ZNF33A: variants seen among roughly 807,000 people sequenced by gnomAD.
ZNF33A encodes brain my041 protein.
Under a neutral mutation model 15.9 loss-of-function variants are expected in ZNF33A, and 9 were observed. That is an observed-to-expected ratio of 0.57 (90% CI 0.34 to 0.99). The LOEUF is 0.99. Ranked by LOEUF, ZNF33A falls within the 50% of genes least tolerant of loss-of-function variation. The pLI is 0.02. For missense variants in ZNF33A, 843 were observed against 941.6 expected, an observed-to-expected ratio of 0.90 and a Z score of 1.37; for synonymous variants, 294 against 324.2, an observed-to-expected ratio of 0.91 and a Z score of 1.00.
intron 4 of ZNF33A, among the ~76,000 whole-genome samples, chr10:38,027,062 C>T (rs1451547561): frequency 6.6e-6 from 1 of 152,198 alleles, no homozygotes; most frequent in East Asian, 1.9e-4. Context: ...CTCTCACTTG[C>T]ATTCCATTTG....
At chr10:38,060,997 G>A (rs1414540590), downstream of ZNF33A, among the ~76,000 whole-genome samples, 1 of 152,130 alleles carries the variant, frequency 6.6e-6, no homozygotes, top group Non-Finnish European at 1.5e-5. Flanking sequence ...ACCTGTACAG[G>A]TAGTGACCAC....
chr10:38,035,477 G>A (rs1291760010), intron 4 of ZNF33A, among the ~76,000 whole-genome samples: 1 of 152,032 alleles, frequency 6.6e-6, no homozygotes, highest in Non-Finnish European at 1.5e-5. Flanking sequence ...TGTCAGAATT[G>A]TTAATTATGC....
At chr10:38,022,657 C>CAAAAAA (rs35295191) in intron 4 of ZNF33A, among the ~76,000 whole-genome samples, 1 of 90,912 alleles carries the variant, frequency 1.1e-5, no homozygotes. Context: ...AACTCTGTCT[C>CAAAAAA]AAAAAAAAAA....
chr10:38,060,869 A>G (rs566354024), downstream of ZNF33A, among the ~76,000 whole-genome samples: 3 of 152,148 alleles, frequency 2.0e-5, no homozygotes, highest in Non-Finnish European at 4.4e-5. Flanking sequence ...TGAGTGTCGC[A>G]TCTCTTCCCA....
chr10:38,058,120 T>A lies in ZNF33A; in HGVS notation c.*1560T>A. 1 of 901,334 alleles carries A rather than the reference T, an allele frequency of 1.1e-6. No individual in the cohort carries two copies. The highest frequency in any genetic ancestry group is 1.3e-6 in the Non-Finnish European group (1 of 753,296). 55.8% of individuals were successfully genotyped at this position (901,334 alleles called of 1,614,324 possible). A position where few individuals can be genotyped will look rare whatever the true frequency, so the allele number is the denominator to read the frequency against. On this transcript the variant is annotated 3_prime_UTR_variant, in exon 5 of 5. Coordinates refer to ENST00000432900, the MANE Select transcript of ZNF33A (RefSeq NM_006954.2). The stretch of plus-strand genomic sequence containing the variant: ...GGAAACTAGAAAAAGAAGAGCAAAT[T>A]AAATCCAAAGTAACCTGAAAAAACA...
At chr10:38,042,633 C>T (rs1487068727) in intron 4 of ZNF33A, among the ~76,000 whole-genome samples, 1 of 151,900 alleles carries the variant, frequency 6.6e-6, no homozygotes, top group East Asian at 1.9e-4. Flanking sequence ...TCATTGCAGC[C>T]TCAACTTCCT....
chr10:38,017,476 T>G lies in ZNF33A; in HGVS notation c.250+90T>G. On this transcript the variant is annotated intron_variant, in intron 4 of 4. Transcript: ENST00000432900. Reference sequence around the variant, plus strand: ...GGGTTTGGCAACTTTGGAAGATTTTTCAAGAACATCTCCATAGGGATCCTA... The same window carrying G: ...GGGTTTGGCAACTTTGGAAGATTTTGCAAGAACATCTCCATAGGGATCCTA... The G allele has an allele frequency of 2.1e-6, 2 of 950,532 alleles. 1 individual carries two copies. Among genetic ancestry groups the G allele is most frequent in the Non-Finnish European group, 3.3e-6 (2 of 607,698 alleles). 58.9% of individuals were successfully genotyped at this position (950,532 alleles called of 1,614,324 possible).
Position 38,058,277 on chromosome 10 carries a change from C to T in ZNF33A, c.*1717C>T, listed in dbSNP as rs1468137536. The T allele has an allele frequency of 1.9e-5, 3 of 157,038 alleles. No homozygotes were observed. Among genetic ancestry groups the T allele is most frequent in the African/African-American group, 7.2e-5 (3 of 41,422 alleles). The allele number at this position is 157,038 out of a possible 1,614,324, so 9.7% of individuals were successfully genotyped here. A position where few individuals can be genotyped will look rare whatever the true frequency, so the allele number is the denominator to read the frequency against. On this transcript the variant is annotated 3_prime_UTR_variant, in exon 5 of 5. Coordinates refer to ENST00000432900, the MANE Select transcript of ZNF33A (RefSeq NM_006954.2). ...AACAGAAGACAAATATTGCTAATAC[C>T]AAAAATGAAAGAGGCCATCACAGCT...
At position 38,054,604 on chromosome 10, in the gene ZNF33A, A is replaced by G; in HGVS notation, c.480A>G (p.Ile160Met). ...TTTCAGAATTGGTTATCAGTAAGAT[A>G]AACTATTTAGGAAAAAAGTCTGATG... The part of the protein sequence containing the change: ...NTVSELVISK[I>M]NYLGKKSDEF... Residue 160 changes from isoleucine (I) to methionine (M), a missense_variant, in exon 5 of 5, where the codon ATA becomes ATG. By Grantham distance (10) the Ile-to-Met change is conservative. Transcript: ENST00000432900. The G allele has an allele frequency of 6.2e-7, 1 of 1,612,186 alleles. No homozygotes were observed. Among genetic ancestry groups the G allele is most frequent in the Non-Finnish European group, 8.5e-7 (1 of 1,179,436 alleles).
In ZNF33A at chr10:38,052,061, T is replaced by C. The variant is rs1209192825; in HGVS notation, c.251-2314T>C. ...ACAACGGAATGATTTCTTTCCAATA[T>C]CAGGAACATGACAAGGATGTCCACC... On this transcript the variant is annotated intron_variant, in intron 4 of 4. Transcript: ENST00000432900. Among the ~76,000 whole-genome samples the C allele has an allele frequency of 2.0e-5, 3 of 152,158 alleles. No homozygotes were observed. In the East Asian group the frequency reaches 5.8e-4, roughly 29 times the overall value.
At chr10:38,049,472 C>G (rs762272247) in intron 4 of ZNF33A, among the ~76,000 whole-genome samples, 25 of 151,844 alleles carry the variant, frequency 1.6e-4, no homozygotes, top group Non-Finnish European at 2.6e-4. Context: ...GTATTATGTG[C>G]GTATATATCT....
intron 2 of ZNF33A, among the ~76,000 whole-genome samples, chr10:38,013,291 A>G (rs1359075347): frequency 3.3e-5 from 5 of 151,740 alleles, no homozygotes; most frequent in Non-Finnish European, 5.9e-5. Context: ...TTGTATTTTT[A>G]GTAGAGACGG....
chr10:38,035,634 T>G (rs1564853265), intron 4 of ZNF33A, among the ~76,000 whole-genome samples: 1 of 152,314 alleles, frequency 6.6e-6, no homozygotes, highest in East Asian at 1.9e-4. Context: ...TTGATACTAT[T>G]TTTTACATTT....
chr10:38,031,772 G>C (rs552503484), intron 4 of ZNF33A, among the ~76,000 whole-genome samples: 138 of 151,754 alleles, frequency 9.1e-4, no homozygotes, highest in Non-Finnish European at 1.5e-3. Flanking sequence ...AGACCATCCG[G>C]GCCAACATGG....
chr10:38,066,479 C>T (rs1447478230), downstream of ZNF33A, among the ~76,000 whole-genome samples: 1 of 151,816 alleles, frequency 6.6e-6, no homozygotes. Context: ...GTCTTGAATT[C>T]CTGACCTCGT....
chr10:38,033,551 CAAT>C (rs1343055393), intron 4 of ZNF33A, among the ~76,000 whole-genome samples: 1 of 152,102 alleles, frequency 6.6e-6, no homozygotes, highest in Non-Finnish European at 1.5e-5. Context: ...ATAGCAGCCA[CAAT>C]ACTTTACAAT....
intron 4 of ZNF33A, chr10:38,039,598 C>G: frequency 2.2e-6 from 1 of 452,746 alleles, no homozygotes; most frequent in Non-Finnish European, 4.4e-6. Flanking sequence ...TTTTCTTTTT[C>G]TACTTGAGTT....
downstream of ZNF33A, chr10:38,063,977 A>G (rs2066685527): frequency 7.0e-6 from 7 of 1,003,526 alleles, no homozygotes; most frequent in Non-Finnish European, 1.1e-5. Context: ...CCTGCAGGAC[A>G]GTGCATTCTG....
chr10:38,066,656 C>T (rs1169234591), downstream of ZNF33A, among the ~76,000 whole-genome samples: 1 of 151,974 alleles, frequency 6.6e-6, no homozygotes, highest in Non-Finnish European at 1.5e-5. Flanking sequence ...TAGTAGAGGC[C>T]AGGCACAGTG....
Sources: gnomAD v4.1 joint callset for allele counts (sites outside exome capture counted in the v4.1 genomes callset) on GRCh38, gnomAD v4.1.1 for gene constraint, MANE v1.5 for transcripts, NCBI Gene and HGNC (gene_info 2026-07-23, HGNC 2026-07-21) for gene names.